LHFPL2: variants seen among roughly 807,000 people sequenced by gnomAD.
The protein encoded by LHFPL2 is LHFPL tetraspan subfamily member 2, also known as LHFPL tetraspan subfamily member 2 protein.
Under a neutral mutation model 17.5 loss-of-function variants are expected in LHFPL2, and 7 were observed. That is an observed-to-expected ratio of 0.40 (90% CI 0.23 to 0.75). The LOEUF is 0.75. LHFPL2 is among the 30% of genes least tolerant of loss of function. LHFPL2 has a pLI of 0.37. For missense variants in LHFPL2, 241 were observed against 294.8 expected (o/e 0.82, Z 1.34); for synonymous variants, 134 against 116.2 (o/e 1.15, Z -0.99).
intron 3 of LHFPL2, among the ~76,000 whole-genome samples, chr5:78,527,488 C>G (rs1265760767): frequency 6.6e-6 from 1 of 150,536 alleles, no homozygotes; most frequent in Non-Finnish European, 1.5e-5. Flanking sequence ...CAGTCAACAG[C>G]CACTGCTCAG....
At chr5:78,516,690 T>C (rs1755301960) in intron 3 of LHFPL2, among the ~76,000 whole-genome samples, 1 of 152,174 alleles carries the variant, frequency 6.6e-6, no homozygotes, top group Non-Finnish European at 1.5e-5. Flanking sequence ...CTAAATTAAA[T>C]ATATTTTTAG....
intron 4 of LHFPL2, among the ~76,000 whole-genome samples, chr5:78,495,072 G>T (rs892964381): frequency 2.0e-5 from 3 of 152,196 alleles, no homozygotes; most frequent in African/African-American, 7.2e-5. Context: ...TAGGTGGGAA[G>T]AAAAGCATTT....
intron 2 of LHFPL2, among the ~76,000 whole-genome samples, chr5:78,570,714 G>A (rs1205846894): frequency 3.3e-5 from 5 of 151,138 alleles, no homozygotes; most frequent in Non-Finnish European, 5.9e-5. Context: ...TGTTGAGCAC[G>A]AGCAATGTGC....
intron 3 of LHFPL2, among the ~76,000 whole-genome samples, chr5:78,531,077 A>G (rs1755768740): frequency 6.6e-6 from 1 of 152,236 alleles, no homozygotes; most frequent in African/African-American, 2.4e-5. Context: ...TTTAATCATG[A>G]TAAATAATAT....
In LHFPL2 at chr5:78,503,780, C is replaced by A. The variant is rs146497676; in HGVS notation, c.430+6004G>T. The stretch of plus-strand genomic sequence containing the variant: ...CTTGGTCCACTTGCTTTTCAGCAGT[C>A]ATTTTTTTATTTATGATATGGTTGA... On this transcript the variant is annotated intron_variant, in intron 4 of 4. Coordinates refer to ENST00000380345, the MANE Select transcript of LHFPL2 (RefSeq NM_005779.3). 5.2e-3 allele frequency among the ~76,000 whole-genome samples: 786 copies of A among 152,246 alleles called. 18 individuals are homozygous for A. In the East Asian group the frequency reaches 0.06, roughly 12 times the overall value.
chr5:78,550,793 ACTC>A (rs1362491347), intron 3 of LHFPL2, among the ~76,000 whole-genome samples: 2 of 151,754 alleles, frequency 1.3e-5, no homozygotes, highest in African/African-American at 4.8e-5. Flanking sequence ...CTGGTCTGGA[ACTC>A]CTCATCTCAA....
chr5:78,575,838 C>T (rs1757117706), intron 2 of LHFPL2, among the ~76,000 whole-genome samples: 1 of 152,214 alleles, frequency 6.6e-6, no homozygotes, highest in Non-Finnish European at 1.5e-5. Context: ...CCTGCACAGA[C>T]TGGACAATTT....
At chr5:78,537,792 C>G (rs1424881249) in intron 3 of LHFPL2, among the ~76,000 whole-genome samples, 1 of 152,172 alleles carries the variant, frequency 6.6e-6, no homozygotes, top group Non-Finnish European at 1.5e-5. Context: ...TCCCAACTTC[C>G]CAGATGATAG....
chr5:78,595,769 G>T (rs867603519), intron 2 of LHFPL2, among the ~76,000 whole-genome samples: 12 of 152,144 alleles, frequency 7.9e-5, no homozygotes, highest in African/African-American at 2.9e-4. Flanking sequence ...TCCTGCCTTT[G>T]CCTCCCAAAG....
intron 2 of LHFPL2, among the ~76,000 whole-genome samples, chr5:78,565,122 G>T (rs1756825772): frequency 6.6e-6 from 1 of 152,284 alleles, no homozygotes; most frequent in Admixed American, 6.5e-5. Flanking sequence ...TTGTGAACAT[G>T]TACCTAATTA....
chr5:78,494,072 G>A (rs963690291), intron 4 of LHFPL2, among the ~76,000 whole-genome samples: 1 of 152,222 alleles, frequency 6.6e-6, no homozygotes. Flanking sequence ...AGTTCCTGAA[G>A]TGAGGCCACC....
intron 3 of LHFPL2, among the ~76,000 whole-genome samples, chr5:78,516,372 TA>T (rs368457002): frequency 3.2e-4 from 49 of 152,268 alleles, no homozygotes; most frequent in African/African-American, 1.2e-3. Context: ...GGTTCCCAAT[TA>T]GGGGCAATTC....
chr5:78,527,357 T>C (rs1211769433), intron 3 of LHFPL2, among the ~76,000 whole-genome samples: 1 of 142,016 alleles, frequency 7.0e-6, no homozygotes, highest in East Asian at 2.0e-4. Flanking sequence ...TTAATGCTGA[T>C]GAGGAGTTTT....
intron 3 of LHFPL2, among the ~76,000 whole-genome samples, chr5:78,523,499 G>A (rs528348390): frequency 1.2e-4 from 18 of 152,204 alleles, no homozygotes; most frequent in African/African-American, 3.9e-4. Flanking sequence ...GCCTGAGACA[G>A]GCAAAGGGGG....
intron 2 of LHFPL2, among the ~76,000 whole-genome samples, chr5:78,601,233 C>T (rs1744000369): frequency 6.6e-6 from 1 of 152,200 alleles, no homozygotes; most frequent in Non-Finnish European, 1.5e-5. Flanking sequence ...GGACCCTTGA[C>T]TTCTCTGTGA....
chr5:78,584,709 A>T (rs1477337788), intron 2 of LHFPL2, among the ~76,000 whole-genome samples: 1 of 152,146 alleles, frequency 6.6e-6, no homozygotes, highest in East Asian at 1.9e-4. Flanking sequence ...GGGACATTTA[A>T]GTCTGCAGAG....
At chr5:78,589,162 A>G (rs948990504) in intron 2 of LHFPL2, among the ~76,000 whole-genome samples, 8 of 152,174 alleles carry the variant, frequency 5.3e-5, no homozygotes, top group African/African-American at 1.9e-4. Context: ...AGAATAATAA[A>G]GGCATTTCTA....
chr5:78,512,475 T>C (rs1167286237), intron 3 of LHFPL2, among the ~76,000 whole-genome samples: 2 of 151,428 alleles, frequency 1.3e-5, no homozygotes, highest in Admixed American at 6.6e-5. Context: ...CTCCTCCAGA[T>C]AGTACCAAAC....
chr5:78,495,062 T>G (rs1439936996), intron 4 of LHFPL2, among the ~76,000 whole-genome samples: 1 of 152,214 alleles, frequency 6.6e-6, no homozygotes, highest in Non-Finnish European at 1.5e-5. Context: ...TCAAATCCCT[T>G]AGGTGGGAAG....
Sources: allele counts gnomAD v4.1 joint callset (sites outside exome capture counted in the v4.1 genomes callset), GRCh38; gene constraint gnomAD v4.1.1; transcripts MANE v1.5; gene names NCBI Gene and HGNC (gene_info 2026-07-23, HGNC 2026-07-21).